The following METTL15 variants were observed in gnomAD, a reference collection of about 807,000 sequenced individuals.
The protein encoded by METTL15 is methyltransferase 15, mitochondrial 12S rRNA N4-cytidine.
METTL15 carries 34 observed loss-of-function variants against 38.3 expected under a neutral mutation model. That is an observed-to-expected ratio of 0.89 (90% CI 0.68 to 1.18). The LOEUF (loss-of-function observed/expected upper bound fraction) is 1.18, where lower values mean the gene tolerates loss of function less well. Ranked by LOEUF, METTL15 falls within the 50% of genes most tolerant of loss-of-function variation. The probability of loss-of-function intolerance (pLI) is 0.00; values close to 1 mark genes in which losing one functional copy is unlikely to be tolerated. For missense variants in METTL15, 438 were observed against 498.4 expected, an observed-to-expected ratio of 0.88 and a Z score of 1.15; for synonymous variants, 162 against 170.9, an observed-to-expected ratio of 0.95 and a Z score of 0.41.
At chr11:28,349,217 T>C (rs2133359854) in intron 3 of METTL15, among the ~76,000 whole-genome samples, 1 of 152,346 alleles carries the variant, frequency 6.6e-6, no homozygotes, top group East Asian at 1.9e-4. Context: ...GTGAAAAACC[T>C]GGTTCTCATT....
chr11:28,126,456 G>A (rs1397369866), intron 3 of METTL15, among the ~76,000 whole-genome samples: 1 of 152,042 alleles, frequency 6.6e-6, no homozygotes, highest in African/African-American at 2.4e-5. Context: ...AGTGCTAAGA[G>A]CATTTGATAT....
At chr11:28,209,539 A>T (rs973514970) in intron 3 of METTL15, among the ~76,000 whole-genome samples, 2 of 152,102 alleles carry the variant, frequency 1.3e-5, no homozygotes, top group Admixed American at 1.3e-4. Context: ...AGAAGTACAA[A>T]GTTAAGTCAC....
intron 3 of METTL15, among the ~76,000 whole-genome samples, chr11:28,146,128 T>G (rs1343980635): frequency 6.6e-6 from 1 of 152,120 alleles, no homozygotes; most frequent in Non-Finnish European, 1.5e-5. Flanking sequence ...CATTGTTTTG[T>G]TAACAAATCA....
intron 3 of METTL15, among the ~76,000 whole-genome samples, chr11:28,209,255 G>T (rs1279660625): frequency 6.6e-6 from 1 of 151,894 alleles, no homozygotes; most frequent in Non-Finnish European, 1.5e-5. Flanking sequence ...TAAATCTATA[G>T]TTACAGCAAG....
chr11:28,522,027 G>A, intron 6 of METTL15, among the ~76,000 whole-genome samples: 1 of 152,180 alleles, frequency 6.6e-6, no homozygotes, highest in East Asian at 1.9e-4. Context: ...ATACAGGTGT[G>A]TAGTAATGAG....
chr11:28,500,776 G>GC (rs1472082165), intron 6 of METTL15, among the ~76,000 whole-genome samples: 1 of 152,058 alleles, frequency 6.6e-6, no homozygotes, highest in Non-Finnish European at 1.5e-5. Context: ...ACTCTCCTTG[G>GC]CCCCCCAAAG....
intron 3 of METTL15, among the ~76,000 whole-genome samples, chr11:28,162,697 A>G (rs1332944692): frequency 1.3e-5 from 2 of 152,098 alleles, no homozygotes; most frequent in Admixed American, 6.6e-5. Flanking sequence ...ATTAGCCTAT[A>G]GTTGGGCAAA....
chr11:28,473,442 T>G (rs893025647), intron 6 of METTL15, among the ~76,000 whole-genome samples: 4 of 152,190 alleles, frequency 2.6e-5, no homozygotes, highest in African/African-American at 9.6e-5. Flanking sequence ...GTCCCCCAGT[T>G]AAGGCATACT....
intron 4 of METTL15, among the ~76,000 whole-genome samples, chr11:28,280,708 C>A (rs1171234520): frequency 7.1e-6 from 1 of 141,778 alleles, no homozygotes; most frequent in East Asian, 2.0e-4. Context: ...TTTCCAATCT[C>A]TTCCTCAATC....
At chr11:28,190,506 G>T (rs919555203) in intron 3 of METTL15, among the ~76,000 whole-genome samples, 5 of 151,042 alleles carry the variant, frequency 3.3e-5, no homozygotes, top group African/African-American at 1.2e-4. Flanking sequence ...TCTTATTTTA[G>T]AATTATTTTA....
chr11:28,188,605 CA>C (rs966214529), intron 3 of METTL15, among the ~76,000 whole-genome samples: 1 of 151,128 alleles, frequency 6.6e-6, no homozygotes, highest in Non-Finnish European at 1.5e-5. Flanking sequence ...TACTATCATT[CA>C]AAAATTGATA....
intron 3 of METTL15, among the ~76,000 whole-genome samples, chr11:28,186,218 G>T (rs1851488678): frequency 6.6e-6 from 1 of 151,168 alleles, no homozygotes; most frequent in Non-Finnish European, 1.5e-5. Flanking sequence ...AGAAGTCATT[G>T]CTGATTTTGT....
intron 6 of METTL15, among the ~76,000 whole-genome samples, chr11:28,315,609 C>T (rs1357462441): frequency 6.6e-6 from 1 of 152,320 alleles, no homozygotes; most frequent in East Asian, 1.9e-4. Context: ...AGAAGCCAAT[C>T]CCCAAGACAA....
intron 3 of METTL15, among the ~76,000 whole-genome samples, chr11:28,344,021 T>C (rs909742478): frequency 2.0e-5 from 3 of 152,228 alleles, no homozygotes; most frequent in African/African-American, 4.8e-5. Flanking sequence ...ACAAGAGTTT[T>C]TTTGCTGAAT....
chr11:28,184,641 A>G (rs1489745797), intron 3 of METTL15, among the ~76,000 whole-genome samples: 2 of 151,568 alleles, frequency 1.3e-5, no homozygotes, highest in African/African-American at 4.8e-5. Flanking sequence ...TACAATTATC[A>G]ACAAGCATTA....
At chr11:28,112,722 A>C (rs1295354224) in intron 2 of METTL15, among the ~76,000 whole-genome samples, 1 of 152,170 alleles carries the variant, frequency 6.6e-6, no homozygotes, top group Non-Finnish European at 1.5e-5. Context: ...CACTCCACTG[A>C]TACAGGGTAC....
At chr11:28,304,071 A>ATT (rs933055136) in intron 6 of METTL15, among the ~76,000 whole-genome samples, 2 of 151,466 alleles carry the variant, frequency 1.3e-5, no homozygotes, top group East Asian at 3.9e-4. Flanking sequence ...TCTTGTAAGC[A>ATT]TTTTTTTTTC....
At chr11:28,160,284 A>G (rs1237595616) in intron 3 of METTL15, among the ~76,000 whole-genome samples, 3 of 151,988 alleles carry the variant, frequency 2.0e-5, no homozygotes, top group Admixed American at 1.3e-4. Context: ...ATTCCATTAT[A>G]TATATATTCC....
chr11:28,310,431 G>C (rs1266751522), intron 6 of METTL15, among the ~76,000 whole-genome samples: 2 of 151,958 alleles, frequency 1.3e-5, no homozygotes, highest in Admixed American at 6.6e-5. Flanking sequence ...ATGCTTGTCT[G>C]ATTGCTTCTC....
Sources: gnomAD v4.1 joint callset for allele counts (sites outside exome capture counted in the v4.1 genomes callset) on GRCh38, gnomAD v4.1.1 for gene constraint, MANE v1.5 for transcripts, NCBI Gene and HGNC (gene_info 2026-07-23, HGNC 2026-07-21) for gene names.